GRID2: variants seen among roughly 807,000 people sequenced by gnomAD.
GRID2 encodes glutamate receptor ionotropic, delta-2.
In GRID2, 33 loss-of-function variants were observed where a neutral mutation model predicts 114.8. That is an observed-to-expected ratio of 0.29 (90% CI 0.22 to 0.38). The LOEUF (loss-of-function observed/expected upper bound fraction) is 0.38. GRID2 is among the 10% of genes least tolerant of loss of function. The probability of loss-of-function intolerance (pLI) is 1.00; values close to 1 mark genes in which losing one functional copy is unlikely to be tolerated. For missense variants in GRID2, 1,184 were observed against 1,257.7 expected (o/e 0.94, Z 0.89); for synonymous variants, 505 against 449.9 (o/e 1.12, Z -1.55).
intron 2 of GRID2, among the ~76,000 whole-genome samples, chr4:92,886,501 C>G (rs1400559243): frequency 6.6e-6 from 1 of 152,004 alleles, no homozygotes; most frequent in African/African-American, 2.4e-5. Context: ...GTATGCCTCT[C>G]CCTGTCTCCA....
intron 1 of GRID2, among the ~76,000 whole-genome samples, chr4:92,527,215 A>C (rs182349301): frequency 6.6e-6 from 1 of 152,236 alleles, no homozygotes. Flanking sequence ...AGAGAGAAGT[A>C]AGATTTTATA....
At chr4:93,109,972 T>G (rs1732611180) in intron 3 of GRID2, among the ~76,000 whole-genome samples, 1 of 152,162 alleles carries the variant, frequency 6.6e-6, no homozygotes, top group Non-Finnish European at 1.5e-5. Context: ...CATTTTAATT[T>G]GATAAATTTC....
At chr4:92,775,158 C>A (rs1459376587) in intron 2 of GRID2, among the ~76,000 whole-genome samples, 1 of 152,092 alleles carries the variant, frequency 6.6e-6, no homozygotes, top group Admixed American at 6.6e-5. Flanking sequence ...CCTTCATTTT[C>A]TTCTTCCAAT....
At chr4:92,384,943 T>G (rs1257717550) in intron 1 of GRID2, among the ~76,000 whole-genome samples, 1 of 151,074 alleles carries the variant, frequency 6.6e-6, no homozygotes, top group African/African-American at 2.4e-5. Flanking sequence ...AAAGGATAGA[T>G]TGCATCACCA....
At chr4:93,316,449 T>C (rs1242901893) in intron 8 of GRID2, among the ~76,000 whole-genome samples, 3 of 151,986 alleles carry the variant, frequency 2.0e-5, no homozygotes, top group Non-Finnish European at 4.4e-5. Context: ...CCTTTTGTTG[T>C]CATCAGTGTA....
chr4:93,746,436 A>G (rs2110269386), intron 14 of GRID2, among the ~76,000 whole-genome samples: 1 of 152,222 alleles, frequency 6.6e-6, no homozygotes, highest in East Asian at 1.9e-4. Context: ...GTTAAGCACT[A>G]GTTTCAAAGC....
At chr4:92,664,510 T>C (rs1732673593) in intron 2 of GRID2, among the ~76,000 whole-genome samples, 1 of 151,126 alleles carries the variant, frequency 6.6e-6, no homozygotes, top group Non-Finnish European at 1.5e-5. Context: ...TTAAGAAGAA[T>C]GGGTATTCTA....
At chr4:92,807,827 A>G (rs1740490467) in intron 2 of GRID2, among the ~76,000 whole-genome samples, 1 of 151,908 alleles carries the variant, frequency 6.6e-6, no homozygotes, top group Non-Finnish European at 1.5e-5. Context: ...ATGTGTGCGT[A>G]TGTGTCTGTC....
chr4:92,665,206 G>A (rs80200030), intron 2 of GRID2, among the ~76,000 whole-genome samples: 9,068 of 146,916 alleles, frequency 0.062, 332 homozygotes, highest in East Asian at 0.16. Flanking sequence ...GAGCTTTTTT[G>A]TGTGGTTACC....
intron 2 of GRID2, among the ~76,000 whole-genome samples, chr4:93,058,130 C>A (rs1477613273): frequency 6.6e-6 from 1 of 152,020 alleles, no homozygotes; most frequent in Non-Finnish European, 1.5e-5. Context: ...TTACTTAAAA[C>A]CCTGTGTGGA....
At chr4:92,951,052 C>T (rs193201718) in intron 2 of GRID2, among the ~76,000 whole-genome samples, 68 of 152,202 alleles carry the variant, frequency 4.5e-4, no homozygotes, top group African/African-American at 1.6e-3. Context: ...CCAATTTTCT[C>T]TGGAGGATTC....
chr4:92,781,122 T>G (rs1739053005), intron 2 of GRID2, among the ~76,000 whole-genome samples: 1 of 151,922 alleles, frequency 6.6e-6, no homozygotes, highest in Non-Finnish European at 1.5e-5. Context: ...GCACGTGCCT[T>G]TTAGTCCCAG....
intron 2 of GRID2, among the ~76,000 whole-genome samples, chr4:92,627,918 T>C (rs1181707511): frequency 6.6e-6 from 1 of 152,162 alleles, no homozygotes; most frequent in Non-Finnish European, 1.5e-5. Flanking sequence ...ATTTGAGCTA[T>C]CAGTGTGATT....
At chr4:92,487,600 T>C (rs1722955988) in intron 1 of GRID2, among the ~76,000 whole-genome samples, 4 of 152,232 alleles carry the variant, frequency 2.6e-5, no homozygotes, top group Admixed American at 2.6e-4. Flanking sequence ...CAAGAATTTC[T>C]ATCTTTTTAT....
At chr4:92,546,089 G>A (rs1313993388) in intron 1 of GRID2, among the ~76,000 whole-genome samples, 1 of 152,130 alleles carries the variant, frequency 6.6e-6, no homozygotes, top group African/African-American at 2.4e-5. Flanking sequence ...TGCCTGTTCA[G>A]GGAAGGGACA....
chr4:93,684,795 T>A (rs1725927025), intron 14 of GRID2, among the ~76,000 whole-genome samples: 1 of 152,078 alleles, frequency 6.6e-6, no homozygotes, highest in African/African-American at 2.4e-5. Flanking sequence ...TTAGCACAGT[T>A]CTTCCCAAAA....
At chr4:93,688,971 T>C (rs114242436) in intron 14 of GRID2, among the ~76,000 whole-genome samples, 1 of 152,038 alleles carries the variant, frequency 6.6e-6, no homozygotes. Context: ...TATGACTGTA[T>C]TTAAAGACGG....
chr4:93,400,610 G>C (rs1315587143), intron 9 of GRID2, among the ~76,000 whole-genome samples: 1 of 151,944 alleles, frequency 6.6e-6, no homozygotes, highest in Non-Finnish European at 1.5e-5. Context: ...ATAATAAAAT[G>C]GAAAGGAATT....
At chr4:93,016,884 A>AT (rs1010985607) in intron 2 of GRID2, among the ~76,000 whole-genome samples, 2 of 151,918 alleles carry the variant, frequency 1.3e-5, no homozygotes, top group African/African-American at 2.4e-5. Flanking sequence ...AATTTTGTCT[A>AT]TTTTTTTTAA....
Sources: allele counts gnomAD v4.1 joint callset (sites outside exome capture counted in the v4.1 genomes callset), GRCh38; gene constraint gnomAD v4.1.1; transcripts MANE v1.5; gene names NCBI Gene and HGNC (gene_info 2026-07-23, HGNC 2026-07-21).